The following NEBL variants were observed in gnomAD, a reference collection of about 807,000 sequenced individuals.
The protein encoded by NEBL is LIM and SH3 protein 2.
NEBL carries 122 observed loss-of-function variants against 140.2 expected under a neutral mutation model. That is an observed-to-expected ratio of 0.87 (90% CI 0.75 to 1.01). The LOEUF (loss-of-function observed/expected upper bound fraction) is 1.01. Ranked by LOEUF, NEBL falls within the 50% of genes least tolerant of loss-of-function variation. NEBL has a pLI of 0.00. For missense variants in NEBL, 1,365 were observed against 1,231.3 expected (o/e 1.11, Z -1.62); for synonymous variants, 436 against 398.9 (o/e 1.09, Z -1.11).
At chr10:20,970,474 G>A (rs1288292197) in intron 3 of NEBL, among the ~76,000 whole-genome samples, 2 of 151,702 alleles carry the variant, frequency 1.3e-5, no homozygotes, top group Non-Finnish European at 2.9e-5. Flanking sequence ...CCTTGTCTCT[G>A]CTCCCCCCAC....
chr10:21,150,521 A>G (rs757235381), intron 2 of NEBL, among the ~76,000 whole-genome samples: 1 of 152,242 alleles, frequency 6.6e-6, no homozygotes, highest in Non-Finnish European at 1.5e-5. Context: ...GCTGAAGAAC[A>G]TACAATATAT....
At chr10:21,026,001 C>A (rs1009892299) in intron 2 of NEBL, among the ~76,000 whole-genome samples, 6 of 152,172 alleles carry the variant, frequency 3.9e-5, no homozygotes, top group African/African-American at 1.4e-4. Flanking sequence ...ACCTCTGTGT[C>A]TCACGACCTT....
chr10:20,803,847 A>G (rs1467494270), intron 26 of NEBL, among the ~76,000 whole-genome samples: 1 of 148,736 alleles, frequency 6.7e-6, no homozygotes, highest in East Asian at 1.9e-4. Context: ...ATGCACACAT[A>G]CTGGGAATGT....
At chr10:21,179,588 T>G (rs537033448), upstream of NEBL, among the ~76,000 whole-genome samples, 61 of 152,210 alleles carry the variant, frequency 4.0e-4, no homozygotes, top group Admixed American at 2.3e-3. Context: ...TGCTCTGCGA[T>G]CATTAAAGTT....
intron 9 of NEBL, among the ~76,000 whole-genome samples, 196 bp downstream of exon 9, chr10:20,858,044 G>C (rs1843265477): frequency 2.0e-5 from 3 of 152,122 alleles, no homozygotes; most frequent in African/African-American, 7.2e-5. Context: ...TGGAGAGCAA[G>C]CAAGAACCTC....
Position 20,835,552 on chromosome 10 carries a change from T to A in NEBL, c.1410A>T (p.Glu470Asp). 6.2e-7 allele frequency: 1 copy of A among 1,612,862 alleles called. No homozygotes were observed. Among genetic ancestry groups the A allele is most frequent in the African/African-American group, 1.3e-5 (1 of 75,040 alleles). ...KGMQAGTDTLEMQHAKKAAEI... is the reference protein window; with the variant it reads ...KGMQAGTDTLDMQHAKKAAEI... ...CTGCAGCCTTCTTGGCATGCTGCAT[T>A]TCAAGGGTGTCAGTGCCAGCTTGCA... The change falls in exon 14 of 28, where the codon GAA becomes GAT. Residue 470 changes from glutamate to aspartate, a missense_variant. Physicochemically the swap from Glu to Asp is conservative, Grantham distance 45. This residue lies in a region of NEBL where 1,323 missense variants were observed against 1,154.8 expected (regional missense o/e 1.15). Coordinates refer to ENST00000377122, the MANE Select transcript of NEBL (RefSeq NM_006393.3).
chr10:21,231,498 C>CA (rs1842249926), intron 3 of NEBL, among the ~76,000 whole-genome samples: 1 of 151,682 alleles, frequency 6.6e-6, no homozygotes, highest in Non-Finnish European at 1.5e-5. Context: ...GAGATGGCGC[C>CA]ACTGCACTCC....
At chr10:20,987,061 T>A (rs1837283894) in intron 3 of NEBL, among the ~76,000 whole-genome samples, 1 of 152,226 alleles carries the variant, frequency 6.6e-6, no homozygotes, top group Non-Finnish European at 1.5e-5. Flanking sequence ...ATTTGCTAGA[T>A]GAAATGTGGA....
intron 1 of NEBL, among the ~76,000 whole-genome samples, chr10:21,268,912 G>C (rs963166084): frequency 3.3e-5 from 5 of 152,190 alleles, no homozygotes; most frequent in African/African-American, 4.8e-5. Context: ...GTGATCGTAT[G>C]AGTTAAAATA....
chr10:21,049,728 C>T lies in NEBL; in HGVS notation c.165-29527G>A, dbSNP rs554819369. On this transcript the variant is annotated intron_variant, in intron 2 of 6. Transcript: ENST00000417816. ...GGTTCACTGTTCTCATGCTTCTCCC[C>T]CTACTGCAGTGACATCCCCTTCTTT... 1.3e-3 allele frequency among the ~76,000 whole-genome samples: 205 copies of T among 152,300 alleles called. 1 individual carries two copies. The highest frequency in any genetic ancestry group is 4.7e-3 in the African/African-American group (194 of 41,558).
At chr10:20,833,957 T>C (rs1287865624) in intron 14 of NEBL, among the ~76,000 whole-genome samples, 1 of 152,084 alleles carries the variant, frequency 6.6e-6, no homozygotes, top group African/African-American at 2.4e-5. Flanking sequence ...ACTTCTATGC[T>C]TTGGTTGGCG....
chr10:21,283,461 C>G (rs190645476), intron 1 of NEBL, among the ~76,000 whole-genome samples: 182 of 152,276 alleles, frequency 1.2e-3, no homozygotes, highest in African/African-American at 4.1e-3. Flanking sequence ...TCACTTTACT[C>G]TACAGACTCC....
At chr10:21,224,869 C>T (rs1029475181) in intron 3 of NEBL, among the ~76,000 whole-genome samples, 2 of 152,204 alleles carry the variant, frequency 1.3e-5, no homozygotes, top group African/African-American at 4.8e-5. Context: ...CTGCAACTTA[C>T]TAAATTTGTT....
At chr10:21,100,655 A>T (rs1837438789) in intron 2 of NEBL, among the ~76,000 whole-genome samples, 1 of 152,220 alleles carries the variant, frequency 6.6e-6, no homozygotes, top group Admixed American at 6.5e-5. Context: ...CTCCAAAAGA[A>T]ATATGACCTG....
intron 2 of NEBL, among the ~76,000 whole-genome samples, chr10:21,138,612 T>TA (rs1399124593): frequency 6.6e-6 from 1 of 152,024 alleles, no homozygotes; most frequent in Non-Finnish European, 1.5e-5. Context: ...AACATTATTT[T>TA]AAAAAAACTA....
chr10:21,288,367 C>T (rs187180694), intron 1 of NEBL, among the ~76,000 whole-genome samples: 36 of 152,198 alleles, frequency 2.4e-4, no homozygotes, highest in Non-Finnish European at 3.1e-4. Flanking sequence ...ACTTGGGAGG[C>T]TGAGGCAGGA....
chr10:20,819,332 T>C (rs1473761356), intron 20 of NEBL, 92 bp downstream of exon 20: 1 of 1,593,578 alleles, frequency 6.3e-7, no homozygotes, highest in Non-Finnish European at 8.6e-7. Context: ...CCTGTGTTAG[T>C]TTGCTAAGGA....
intron 1 of NEBL, among the ~76,000 whole-genome samples, chr10:21,264,763 C>G (rs1842779358): frequency 1.3e-5 from 1 of 76,168 alleles, no homozygotes; most frequent in Non-Finnish European, 2.4e-5. Context: ...GTTAACATGA[C>G]AACAGAAATG....
intron 2 of NEBL, among the ~76,000 whole-genome samples, chr10:21,169,732 T>G (rs1309604390): frequency 1.3e-5 from 2 of 152,130 alleles, no homozygotes; most frequent in African/African-American, 4.8e-5. Context: ...TTCCCCCTAT[T>G]TATCTGCTCA....
Sources: allele counts gnomAD v4.1 joint callset (sites outside exome capture counted in the v4.1 genomes callset), GRCh38; gene constraint gnomAD v4.1.1; regional missense constraint gnomAD v4.1.1; transcripts MANE v1.5; gene names NCBI Gene and HGNC (gene_info 2026-07-23, HGNC 2026-07-21).